METTL15: variants seen among roughly 807,000 people sequenced by gnomAD.
METTL15 encodes methyltransferase 15, mitochondrial 12S rRNA N4-cytidine.
METTL15 carries 34 observed loss-of-function variants against 38.3 expected under a neutral mutation model. The observed-to-expected ratio is 0.89, with a 90% CI of 0.68 to 1.18. The LOEUF (loss-of-function observed/expected upper bound fraction) is 1.18, where lower values mean the gene tolerates loss of function less well. Ranked by LOEUF, METTL15 falls within the 50% of genes most tolerant of loss-of-function variation. METTL15 has a pLI of 0.00. For missense variants in METTL15, 438 were observed against 498.4 expected (o/e 0.88, Z 1.15); for synonymous variants, 162 against 170.9 (o/e 0.95, Z 0.41).
intron 4 of METTL15, among the ~76,000 whole-genome samples, chr11:28,223,108 T>G (rs1421270429): frequency 6.6e-6 from 1 of 152,170 alleles, no homozygotes; most frequent in African/African-American, 2.4e-5. Context: ...ATCTTTTCCA[T>G]CTAAGTAAAA....
At chr11:28,346,706 G>C (rs986173404) in intron 3 of METTL15, among the ~76,000 whole-genome samples, 8 of 152,180 alleles carry the variant, frequency 5.3e-5, no homozygotes, top group Non-Finnish European at 8.8e-5. Context: ...AAGAAGAAAT[G>C]TGTCTTCCTA....
At chr11:28,123,878 TG>T in intron 3 of METTL15, 2 of 1,477,764 alleles carry the variant, frequency 1.4e-6, no homozygotes, top group Non-Finnish European at 1.8e-6. Context: ...AAGTAAACTG[TG>T]GATATTTAAT....
intron 4 of METTL15, among the ~76,000 whole-genome samples, chr11:28,243,380 CAAATGGATAGAATACTA>C (rs1854382586): frequency 1.3e-5 from 2 of 152,168 alleles, no homozygotes; most frequent in Non-Finnish European, 2.9e-5. Context: ...TTAAAGTAGT[CAAATGGATAGAATACTA>C]AAACAAACAA....
intron 4 of METTL15, among the ~76,000 whole-genome samples, chr11:28,235,016 C>T (rs1218996150): frequency 6.6e-6 from 1 of 152,006 alleles, no homozygotes; most frequent in Non-Finnish European, 1.5e-5. Flanking sequence ...TTTCAGCTTT[C>T]TACATGTGGC....
At position 28,117,932 on chromosome 11, in the gene METTL15, CACTT is replaced by C. The variant is rs577937145; in HGVS notation, c.270+4340_270+4343del. 7.2e-5 allele frequency among the ~76,000 whole-genome samples: 11 copies of C among 152,290 alleles called. No individual in the cohort carries two copies. The South Asian group carries it at 1.9e-3, about 26-fold the overall frequency. ...GAGTCATACACTCACTTGCATCAGT[CACTT>C]ACTTACTTACTATTACCTTTTTCTG... On this transcript the variant is annotated intron_variant, in intron 3 of 6. Transcript: ENST00000407364.
chr11:28,456,422 T>A (rs1337635524), intron 6 of METTL15, among the ~76,000 whole-genome samples: 2 of 146,292 alleles, frequency 1.4e-5, no homozygotes, highest in Non-Finnish European at 3.0e-5. Flanking sequence ...CCCAGGGTTG[T>A]TTTTTTTTTT....
rs769470284 is a variant in METTL15, at chr11:28,211,050, T to C, written c.271-12T>C. The C allele has an allele frequency of 1.3e-6, 2 of 1,594,838 alleles. No homozygotes were observed. Among genetic ancestry groups the C allele is most frequent in the Non-Finnish European group, 1.7e-6 (2 of 1,174,456 alleles). ...ATGCTAAGTTGTAATTTTCTTTTTC[T>C]GTGTTTGCTAGATTTTTCTAGATAT... is the stretch of plus-strand genomic sequence containing the variant. On this transcript the variant is annotated splice_polypyrimidine_tract_variant and intron_variant, in intron 3 of 6. Transcript: ENST00000407364.
At chr11:28,381,596 CT>C (rs1357582094) in intron 5 of METTL15, among the ~76,000 whole-genome samples, 3 of 151,864 alleles carry the variant, frequency 2.0e-5, no homozygotes, top group African/African-American at 7.3e-5. Flanking sequence ...TATAGGCTGT[CT>C]TTGAGCTCAC....
intron 6 of METTL15, among the ~76,000 whole-genome samples, chr11:28,465,882 T>C (rs1851252916): frequency 2.0e-5 from 3 of 152,324 alleles, no homozygotes; most frequent in Middle Eastern, 3.4e-3. Context: ...TTCCAGGCAT[T>C]GCCAAATGTC....
chr11:28,123,866 A>G (rs1852355433), intron 3 of METTL15: 1 of 1,477,218 alleles, frequency 6.8e-7, no homozygotes, highest in East Asian at 2.5e-5. Flanking sequence ...GGCAAGCAAA[A>G]GAAGTAAACT....
At chr11:28,223,229 G>A (rs947070060) in intron 4 of METTL15, among the ~76,000 whole-genome samples, 6 of 151,972 alleles carry the variant, frequency 3.9e-5, no homozygotes, top group African/African-American at 1.2e-4. Flanking sequence ...AATGGAGGGA[G>A]GTTCAGGGAA....
intron 6 of METTL15, among the ~76,000 whole-genome samples, chr11:28,482,912 C>T (rs1851407326): frequency 6.6e-6 from 1 of 152,270 alleles, no homozygotes; most frequent in East Asian, 1.9e-4. Flanking sequence ...TCAGCCCCAA[C>T]TTCAAACTAA....
Position 28,170,795 on chromosome 11 carries a change from G to C in METTL15, c.271-40267G>C, listed in dbSNP as rs551436260. Among the ~76,000 whole-genome samples the C allele has an allele frequency of 4.5e-4, 69 of 152,178 alleles. 1 individual carries two copies. The highest frequency in any genetic ancestry group is 3.4e-3 in the Middle Eastern group (1 of 294). On this transcript the variant is annotated intron_variant, in intron 3 of 6. Transcript: ENST00000407364. ...TCATTTTCATCGCTATCTTGGTTTT[G>C]GTCGGTTTTGGCCAGCTTCTTTATT...
chr11:28,483,072 G>A (rs907678323), intron 6 of METTL15, among the ~76,000 whole-genome samples: 13 of 151,956 alleles, frequency 8.6e-5, no homozygotes, highest in African/African-American at 2.7e-4. Flanking sequence ...TCCCAAACCA[G>A]GAACTGTATT....
intron 5 of METTL15, among the ~76,000 whole-genome samples, chr11:28,373,806 A>G (rs925604365): frequency 2.0e-5 from 3 of 152,100 alleles, no homozygotes; most frequent in African/African-American, 7.2e-5. Context: ...TAGGTCTAAC[A>G]TTTAAGTCTT....
At chr11:28,401,973 A>T (rs566055455) in intron 5 of METTL15, among the ~76,000 whole-genome samples, 4 of 152,148 alleles carry the variant, frequency 2.6e-5, no homozygotes, top group African/African-American at 9.6e-5. Flanking sequence ...TGTAAAATTA[A>T]CATAAAAACT....
intron 4 of METTL15, among the ~76,000 whole-genome samples, chr11:28,233,856 A>G (rs1225717979): frequency 1.3e-5 from 2 of 151,514 alleles, no homozygotes; most frequent in African/African-American, 4.9e-5. Context: ...CACAATGTGC[A>G]GGTTAGTTAC....
chr11:28,263,416 T>C (rs1855288902), intron 4 of METTL15, among the ~76,000 whole-genome samples: 1 of 152,104 alleles, frequency 6.6e-6, no homozygotes, highest in Non-Finnish European at 1.5e-5. Context: ...AGACAAAAAC[T>C]AAATCAGAGA....
chr11:28,212,920 A>G (rs1356354246), intron 4 of METTL15, among the ~76,000 whole-genome samples: 1 of 152,164 alleles, frequency 6.6e-6, no homozygotes, highest in Non-Finnish European at 1.5e-5. Flanking sequence ...CACTTTCTCA[A>G]ATGTAGCTTA....
Sources: gnomAD v4.1 joint callset for allele counts (sites outside exome capture counted in the v4.1 genomes callset) on GRCh38, gnomAD v4.1.1 for gene constraint, MANE v1.5 for transcripts, NCBI Gene and HGNC (gene_info 2026-07-23, HGNC 2026-07-21) for gene names.